KLHL18: variants seen among roughly 807,000 people sequenced by gnomAD.
KLHL18 encodes kelch like family member 18, also known as kelch-like protein 18.
A neutral mutation model predicts 58.5 loss-of-function variants in KLHL18; 38 were observed. That is an observed-to-expected ratio of 0.65 (90% CI 0.50 to 0.85). The LOEUF is 0.85. KLHL18 is among the 40% of genes least tolerant of loss of function. The pLI is 0.00. For missense variants in KLHL18, 624 were observed against 778.4 expected (o/e 0.80, Z 2.36); for synonymous variants, 303 against 301.9 (o/e 1.00, Z -0.04).
chr3:47,334,890 C>G lies in KLHL18; in HGVS notation c.898+71C>G. On this transcript the variant is annotated intron_variant, in intron 6 of 9. Transcript: ENST00000232766. This position sits in a 1 kb window ranked among gnomAD's most constrained non-coding sequence, Gnocchi z 4.7. ...GATGAGGAAGCACCAGACAAATTAG[C>G]CTGGCCCTTCTGGTTTCTCTGTTTT... The G allele has an allele frequency of 2.7e-6, 4 of 1,484,468 alleles. No individual in the cohort carries two copies. The highest frequency in any genetic ancestry group is 2.2e-4 in the Middle Eastern group (1 of 4,626). The allele number at this position is 1,484,468 out of a possible 1,614,324, so 92.0% of individuals were successfully genotyped here.
intron 1 of KLHL18, among the ~76,000 whole-genome samples, chr3:47,303,948 C>T (rs532761307): frequency 1.9e-4 from 29 of 151,766 alleles, no homozygotes; most frequent in East Asian, 3.9e-4. Context: ...GGGCTGGTCT[C>T]GAACTGCTAG....
rs1365946547 is a variant in KLHL18, at chr3:47,283,084, T to C, written c.119T>C (p.Val40Ala). 24 of 1,581,066 alleles carry C rather than the reference T, an allele frequency of 1.5e-5. No individual in the cohort carries two copies. The highest frequency in any genetic ancestry group is 2.1e-5 in the Non-Finnish European group (24 of 1,164,342). ...EIRRQGKLCD[V>A]TLKIGDHKFS... is the part of the protein sequence containing the mutation. The stretch of plus-strand genomic sequence containing the variant: ...CGGCGGCAGGGCAAGCTGTGCGACG[T>C]GACCCTCAAGGTACCGCGGACTGGG... The change falls in exon 1 of 10, where the codon GTG becomes GCG. Residue 40 changes from valine (V) to alanine (A), a missense_variant. Transcript: ENST00000232766.
intron 1 of KLHL18, among the ~76,000 whole-genome samples, chr3:47,312,488 G>GA (rs1456414906): frequency 6.6e-6 from 1 of 151,886 alleles, no homozygotes; most frequent in African/African-American, 2.4e-5. Flanking sequence ...GAATTTTTTT[G>GA]AAAAAATTGT....
At chr3:47,287,881 T>C (rs960384179) in intron 1 of KLHL18, among the ~76,000 whole-genome samples, 2 of 152,136 alleles carry the variant, frequency 1.3e-5, no homozygotes, top group African/African-American at 4.8e-5. Flanking sequence ...TTGTTTTAGC[T>C]TCTGTTGAAC....
intron 1 of KLHL18, among the ~76,000 whole-genome samples, chr3:47,295,539 C>A (rs1230811450): frequency 6.7e-6 from 1 of 149,696 alleles, no homozygotes; most frequent in Admixed American, 6.6e-5. Context: ...CTTTTTCTTT[C>A]TTCCCTTGCT....
At chr3:47,309,352 G>C (rs1328376141) in intron 1 of KLHL18, among the ~76,000 whole-genome samples, 1 of 152,068 alleles carries the variant, frequency 6.6e-6, no homozygotes, top group African/African-American at 2.4e-5. Context: ...CAGCTGCCGG[G>C]CGGAGGGGCT....
intron 1 of KLHL18, among the ~76,000 whole-genome samples, chr3:47,290,727 G>T (rs1306592763): frequency 6.6e-6 from 1 of 152,170 alleles, no homozygotes; most frequent in Non-Finnish European, 1.5e-5. Flanking sequence ...CTCCCCAAGT[G>T]CTGGGATTAC....
chr3:47,310,586 A>T (rs369407654), intron 1 of KLHL18, among the ~76,000 whole-genome samples: 18 of 152,168 alleles, frequency 1.2e-4, no homozygotes, highest in Non-Finnish European at 4.4e-5. Flanking sequence ...CACTTTCTAC[A>T]TAGTCTCTGT....
intron 1 of KLHL18, among the ~76,000 whole-genome samples, chr3:47,305,822 G>A (rs988735558): frequency 6.6e-6 from 1 of 152,018 alleles, no homozygotes; most frequent in Non-Finnish European, 1.5e-5. Flanking sequence ...CCCATCTTGG[G>A]TAAGTTGTCA....
At chr3:47,297,446 G>C in intron 1 of KLHL18, 1 of 395,888 alleles carries the variant, frequency 2.5e-6, no homozygotes, top group East Asian at 7.4e-5. Flanking sequence ...CCACAAAGTA[G>C]CTAGTGTGGT....
At chr3:47,300,477 A>G (rs554306027) in intron 1 of KLHL18, among the ~76,000 whole-genome samples, 1 of 149,762 alleles carries the variant, frequency 6.7e-6, no homozygotes, top group East Asian at 1.9e-4. Context: ...CACGTTGCCC[A>G]AGCTGGTCTT....
intron 4 of KLHL18, among the ~76,000 whole-genome samples, chr3:47,330,363 G>A (rs554356727): frequency 6.6e-6 from 1 of 152,160 alleles, no homozygotes; most frequent in African/African-American, 2.4e-5. Flanking sequence ...CTGTCACCTA[G>A]GCTGGAGTGC....
At chr3:47,302,860 ACT>A (rs1703057541) in intron 1 of KLHL18, among the ~76,000 whole-genome samples, 1 of 151,802 alleles carries the variant, frequency 6.6e-6, no homozygotes, top group South Asian at 2.1e-4. Context: ...AATAATTGAA[ACT>A]CTTTTGCCAA....
intron 8 of KLHL18, among the ~76,000 whole-genome samples, chr3:47,341,015 G>GAA (rs1005626809): frequency 1.4e-5 from 2 of 147,186 alleles, no homozygotes; most frequent in African/African-American, 2.5e-5. Flanking sequence ...ATATGATTTG[G>GAA]AAAAAAAAAA....
chr3:47,331,979 C>T (rs918372710), intron 4 of KLHL18, among the ~76,000 whole-genome samples: 3 of 152,114 alleles, frequency 2.0e-5, no homozygotes, highest in Non-Finnish European at 4.4e-5. Flanking sequence ...GGACGGGGGA[C>T]AGGTAGATTC....
chr3:47,332,866 A>G (rs1007014674), intron 4 of KLHL18, among the ~76,000 whole-genome samples: 1 of 152,140 alleles, frequency 6.6e-6, no homozygotes, highest in African/African-American at 2.4e-5. Context: ...TAGAGGGAGC[A>G]GGGGTACAGG....
intron 3 of KLHL18, among the ~76,000 whole-genome samples, chr3:47,323,645 T>A (rs1703639464): frequency 1.3e-5 from 2 of 152,192 alleles, no homozygotes; most frequent in South Asian, 4.1e-4. Flanking sequence ...TAAAGGCCTT[T>A]TAACCAGCAG....
rs535567499 is a variant in KLHL18, at chr3:47,310,214, G to A, written c.130-9439G>A. Among the ~76,000 whole-genome samples, 81 of 152,320 alleles carry A rather than the reference G, an allele frequency of 5.3e-4. 1 individual carries two copies. The highest frequency in any genetic ancestry group is 1.0e-3 in the Non-Finnish European group (71 of 68,024). ...TGCTGAGCCCCACCTGCCTGTGGTA[G>A]GGAACAGAATTTGTGTTGAGCAGCC... On this transcript the variant is annotated intron_variant, in intron 1 of 9. Coordinates refer to ENST00000232766, the MANE Select transcript of KLHL18 (RefSeq NM_025010.5).
chr3:47,287,760 C>T (rs1387335106), intron 1 of KLHL18, among the ~76,000 whole-genome samples: 1 of 152,108 alleles, frequency 6.6e-6, no homozygotes, highest in Non-Finnish European at 1.5e-5. Flanking sequence ...GTTGGGATTA[C>T]AGGCATCAGC....
Sources: gnomAD v4.1 joint callset for allele counts (sites outside exome capture counted in the v4.1 genomes callset) on GRCh38, gnomAD v4.1.1 for gene constraint, Gnocchi (gnomAD v3.1) non-coding constraint, MANE v1.5 for transcripts, NCBI Gene and HGNC (gene_info 2026-07-23, HGNC 2026-07-21) for gene names.